The following SLC12A2 variants were observed in gnomAD, a reference collection of about 807,000 sequenced individuals.
SLC12A2 encodes solute carrier family 12 member 2, also known as Na-K-2Cl cotransporter 1.
In SLC12A2, 67 loss-of-function variants were observed where a neutral mutation model predicts 136.3. That is an observed-to-expected ratio of 0.49 (90% confidence interval 0.40 to 0.60). The LOEUF (loss-of-function observed/expected upper bound fraction) is 0.60, where lower values mean the gene tolerates loss of function less well. Among genes scored for constraint, SLC12A2 ranks in the 20% least tolerant of loss-of-function variants. The probability of loss-of-function intolerance (pLI) is 0.00; values close to 1 mark genes in which losing one functional copy is unlikely to be tolerated. For missense variants in SLC12A2, 1,322 were observed against 1,534.7 expected (o/e 0.86, Z 2.32); for synonymous variants, 619 against 562.9 (o/e 1.10, Z -1.41).
At chr5:128,167,988 A>C (rs1763254173) in intron 18 of SLC12A2, 121 bp downstream of exon 18, 1 of 577,770 alleles carries the variant, frequency 1.7e-6, no homozygotes, top group Admixed American at 3.4e-5. Context: ...TAAGAACGAA[A>C]AGAATCACAC....
Position 128,173,577 on chromosome 5 carries a change from A to G in SLC12A2, c.2804-964A>G, listed in dbSNP as rs560633700. ...CATTGGAGTCAGGCAAATCTGCTTT[A>G]AAAATATCAGCCTTTTCTGTTAGAT... On this transcript the variant is annotated intron_variant, in intron 19 of 26. Coordinates refer to ENST00000262461, the MANE Select transcript of SLC12A2 (RefSeq NM_001046.3). Among the ~76,000 whole-genome samples, 6 of 152,334 alleles carry G rather than the reference A, an allele frequency of 3.9e-5. No homozygotes were observed. In the South Asian group the frequency reaches 8.3e-4, roughly 21 times the overall value.
intron 21 of SLC12A2, 161 bp from the exon 22 acceptor site, chr5:128,178,406 T>C: frequency 2.4e-6 from 1 of 424,010 alleles, no homozygotes; most frequent in South Asian, 9.2e-5. Context: ...ATACTTTTAT[T>C]ATAAACAACT....
chr5:128,120,051 T>C (rs1407769352), intron 4 of SLC12A2, among the ~76,000 whole-genome samples: 2 of 151,712 alleles, frequency 1.3e-5, no homozygotes, highest in African/African-American at 4.8e-5. Context: ...GGGCAAAGGA[T>C]ATGAACAGAC....
chr5:128,126,966 A>ATATATATATATATATATATATATAATTT, intron 4 of SLC12A2, among the ~76,000 whole-genome samples: 1 of 21,160 alleles, frequency 4.7e-5, no homozygotes, highest in Admixed American at 8.7e-4. Context: ...ATATATATAT[A>ATATATATATATATATATATATATAATTT]TTTTTTTTTT....
intron 9 of SLC12A2, among the ~76,000 whole-genome samples, chr5:128,139,997 G>GT (rs1165482624): frequency 6.6e-6 from 1 of 151,798 alleles, no homozygotes; most frequent in South Asian, 2.1e-4. Flanking sequence ...GTTTGTTTTT[G>GT]TTTTTGTTTT....
chr5:128,124,484 G>T (rs1761706179), intron 4 of SLC12A2, among the ~76,000 whole-genome samples: 1 of 152,040 alleles, frequency 6.6e-6, no homozygotes, highest in South Asian at 2.1e-4. Flanking sequence ...TTGCTAAAAT[G>T]GCTCCTAGAA....
chr5:128,182,793 T>C, intron 23 of SLC12A2, 62 bp from the exon 24 acceptor site: 1 of 1,145,118 alleles, frequency 8.7e-7, no homozygotes, highest in South Asian at 1.4e-5. Context: ...TTTAGATATA[T>C]GGATTCAGCC....
At chr5:128,145,950 A>T (rs1007630871) in intron 10 of SLC12A2, among the ~76,000 whole-genome samples, 1 of 152,022 alleles carries the variant, frequency 6.6e-6, no homozygotes, top group Non-Finnish European at 1.5e-5. Context: ...TGGGAGATTT[A>T]TAATACCATT....
At chr5:128,106,163 AATAAACCATTACCC>A (rs1760926901) in intron 1 of SLC12A2, among the ~76,000 whole-genome samples, 1 of 152,214 alleles carries the variant, frequency 6.6e-6, no homozygotes, top group African/African-American at 2.4e-5. Flanking sequence ...AGCTTCATTT[AATAAACCATTACCC>A]ATAAAATATT....
At chr5:128,122,509 AC>A (rs1761620062) in intron 4 of SLC12A2, among the ~76,000 whole-genome samples, 1 of 152,206 alleles carries the variant, frequency 6.6e-6, no homozygotes, top group Non-Finnish European at 1.5e-5. Flanking sequence ...GATAGTGAGA[AC>A]AAAAAATCAA....
chr5:128,096,241 CTA>C (rs1760532916), intron 1 of SLC12A2, among the ~76,000 whole-genome samples: 1 of 152,000 alleles, frequency 6.6e-6, no homozygotes, highest in Non-Finnish European at 1.5e-5. Flanking sequence ...GGAAAAACAT[CTA>C]TGTTTTTACT....
chr5:128,144,917 G>A (rs1762481718), intron 10 of SLC12A2, among the ~76,000 whole-genome samples: 1 of 151,730 alleles, frequency 6.6e-6, no homozygotes. Context: ...TTAGACTTTT[G>A]TCTTTTTTTC....
intron 9 of SLC12A2, 64 bp from the exon 10 acceptor site, chr5:128,141,766 A>T (rs1762371456): frequency 7.3e-7 from 1 of 1,362,572 alleles, no homozygotes; most frequent in South Asian, 1.4e-5. Flanking sequence ...ATATATATGT[A>T]TATAAAATTC....
chr5:128,171,243 T>C (rs1763366977), intron 18 of SLC12A2: 1 of 154,984 alleles, frequency 6.5e-6, no homozygotes, highest in South Asian at 2.0e-4. Context: ...TTTCTTCATA[T>C]CCTGCAACCT....
intron 24 of SLC12A2, among the ~76,000 whole-genome samples, chr5:128,183,211 T>C (rs922739816): frequency 2.6e-5 from 4 of 152,106 alleles, no homozygotes; most frequent in Non-Finnish European, 5.9e-5. Context: ...ACAGTCGTTA[T>C]AACCACTCAG....
At chr5:128,116,248 C>A (rs1351233788) in intron 4 of SLC12A2, among the ~76,000 whole-genome samples, 1 of 152,038 alleles carries the variant, frequency 6.6e-6, no homozygotes, top group Non-Finnish European at 1.5e-5. Flanking sequence ...AAGCCACTGG[C>A]AACATTAACT....
chr5:128,178,588 C>T lies in SLC12A2; in HGVS notation c.2999C>T (p.Pro1000Leu). ...LKKESKGPIVPLNVADQKLLE... is the reference protein window; with the variant it reads ...LKKESKGPIVLLNVADQKLLE... ...TTAGAATCCAAAGGCCCTATTGTGC[C>T]TTTAAATGTAGCTGACCAAAAGCTT... Residue 1000 changes from proline (P) to leucine (L), a missense_variant, in exon 22 of 27, where the codon CCT (proline) becomes CTT (leucine). Around this residue, in one of 8 missense-constraint regions of SLC12A2, gnomAD observed 226 missense variants for 210.4 expected, o/e 1.07. Transcript: ENST00000262461. The T allele has an allele frequency of 6.3e-7, 1 of 1,593,320 alleles. No individual in the cohort carries two copies. Among genetic ancestry groups the T allele is most frequent in the East Asian group, 2.3e-5 (1 of 44,112 alleles).
chr5:128,167,945 C>A, intron 18 of SLC12A2, 78 bp downstream of exon 18: 1 of 778,230 alleles, frequency 1.3e-6, no homozygotes, highest in Non-Finnish European at 2.0e-6. Context: ...TTTTTGGAGA[C>A]TGTTTCTCAT....
Position 128,129,783 on chromosome 5 carries a change from T to C in SLC12A2, c.1049-1284T>C, listed in dbSNP as rs185483770. ...ATATAGCTTTATGTAACTTCAGTAGTATTAAAACCAAGTTTTGATTGTGAC... is the reference window on the plus strand; with the variant it reads ...ATATAGCTTTATGTAACTTCAGTAGCATTAAAACCAAGTTTTGATTGTGAC... On this transcript the variant is annotated intron_variant, in intron 4 of 26. Transcript: ENST00000262461. Among the ~76,000 whole-genome samples, 544 of 152,288 alleles carry C rather than the reference T, an allele frequency of 3.6e-3. 3 individuals are homozygous for C. Among genetic ancestry groups the C allele is most frequent in the Non-Finnish European group, 4.9e-3 (331 of 67,996 alleles).
Sources: allele counts gnomAD v4.1 joint callset (sites outside exome capture counted in the v4.1 genomes callset), GRCh38; gene constraint gnomAD v4.1.1; regional missense constraint gnomAD v4.1.1; transcripts MANE v1.5; gene names NCBI Gene and HGNC (gene_info 2026-07-23, HGNC 2026-07-21).